Variants in QTMAN observed in about 807,000 individuals in gnomAD.
QTMAN encodes the protein tRNA-queuosine alpha-mannosyltransferase.
At chr2:143,956,302 T>A in the QTMAN span, among the ~76,000 whole-genome samples, 1 of 152,190 alleles carries the variant, frequency 6.6e-6, no homozygotes, top group Non-Finnish European at 1.5e-5. Flanking sequence ...TGAAATTTAT[T>A]TCTAAAGGGT....
the QTMAN span, among the ~76,000 whole-genome samples, chr2:144,125,362 T>G: frequency 6.6e-6 from 1 of 152,068 alleles, no homozygotes; most frequent in East Asian, 1.9e-4. Flanking sequence ...GAATCAGAGC[T>G]TCTCTTCTAA....
the QTMAN span, among the ~76,000 whole-genome samples, chr2:144,081,893 G>A: frequency 6.6e-6 from 1 of 151,858 alleles, no homozygotes; most frequent in South Asian, 2.1e-4. Flanking sequence ...ATTCAAAGAT[G>A]GATTTTTTTT....
chr2:144,129,197 A>G, the QTMAN span, among the ~76,000 whole-genome samples: 1 of 151,970 alleles, frequency 6.6e-6, no homozygotes, highest in Non-Finnish European at 1.5e-5. Flanking sequence ...AGGTGTCAGT[A>G]GTTAGTCAAT....
At chr2:144,194,475 T>A in the QTMAN span, among the ~76,000 whole-genome samples, 2 of 152,184 alleles carry the variant, frequency 1.3e-5, no homozygotes, top group African/African-American at 4.8e-5. Context: ...CATATGTTCC[T>A]AGGAATGCCC....
the QTMAN span, among the ~76,000 whole-genome samples, chr2:144,308,525 T>A: frequency 2.0e-5 from 3 of 152,030 alleles, no homozygotes; most frequent in Admixed American, 6.6e-5. Flanking sequence ...CAGGTGGATA[T>A]AGAAGAGAAC....
chr2:144,099,446 G>A, the QTMAN span, among the ~76,000 whole-genome samples: 1 of 152,162 alleles, frequency 6.6e-6, no homozygotes, highest in South Asian at 2.1e-4. Context: ...AAAAAGGAGA[G>A]TCATGTACTC....
At chr2:144,301,419 C>T in the QTMAN span, among the ~76,000 whole-genome samples, 595 of 152,246 alleles carry the variant, frequency 3.9e-3, 3 homozygotes, top group South Asian at 5.2e-3. Context: ...GACAGAGTTT[C>T]GCCTAGTTGG....
At chr2:144,004,275 C>T in the QTMAN span, among the ~76,000 whole-genome samples, 27 of 152,072 alleles carry the variant, frequency 1.8e-4, no homozygotes, top group Middle Eastern at 3.4e-3. Context: ...AAACACAACC[C>T]TGGTCATTTG....
the QTMAN span, among the ~76,000 whole-genome samples, chr2:144,121,718 T>A: frequency 6.6e-6 from 1 of 152,222 alleles, no homozygotes; most frequent in East Asian, 1.9e-4. Flanking sequence ...TATAAAATCC[T>A]GTAAGGAAAT....
At chr2:144,035,407 T>C in the QTMAN span, among the ~76,000 whole-genome samples, 100 of 152,296 alleles carry the variant, frequency 6.6e-4, no homozygotes, top group Admixed American at 1.6e-3. Context: ...GTTTTTAAGC[T>C]CAAGTATAAC....
the QTMAN span, among the ~76,000 whole-genome samples, chr2:144,076,640 T>C: frequency 6.6e-6 from 1 of 152,164 alleles, no homozygotes; most frequent in Non-Finnish European, 1.5e-5. Context: ...ACAATGCAAA[T>C]TTTTCACATT....
chr2:144,209,559 A>G, the QTMAN span, among the ~76,000 whole-genome samples: 57 of 152,346 alleles, frequency 3.7e-4, no homozygotes, highest in African/African-American at 1.3e-3. Flanking sequence ...CAAGCAACCT[A>G]TTAAGAGGGA....
the QTMAN span, among the ~76,000 whole-genome samples, chr2:144,097,058 T>C: frequency 6.6e-6 from 1 of 152,242 alleles, no homozygotes; most frequent in Admixed American, 6.5e-5. Context: ...AATTACCTTT[T>C]ACATGCTTTT....
chr2:144,043,552 G>A, the QTMAN span, among the ~76,000 whole-genome samples: 2 of 151,698 alleles, frequency 1.3e-5, no homozygotes, highest in African/African-American at 4.8e-5. Flanking sequence ...AGAATTCCTT[G>A]AACCCGGGAG....
the QTMAN span, among the ~76,000 whole-genome samples, chr2:143,978,438 T>C: frequency 1.3e-5 from 2 of 152,200 alleles, no homozygotes; most frequent in Non-Finnish European, 2.9e-5. Flanking sequence ...GCTAAAAGCT[T>C]AGACTCCCCA....
the QTMAN span, among the ~76,000 whole-genome samples, chr2:143,969,812 A>G: frequency 4.6e-5 from 7 of 152,206 alleles, no homozygotes; most frequent in African/African-American, 1.7e-4. Context: ...GCCATATGAG[A>G]CAAGGCTACT....
At chr2:144,270,614 T>C in the QTMAN span, among the ~76,000 whole-genome samples, 1 of 118,312 alleles carries the variant, frequency 8.5e-6, no homozygotes, top group Non-Finnish European at 1.6e-5. Flanking sequence ...TGAAAACACA[T>C]GGACACAGGA....
chr2:144,332,251 C>T, the QTMAN span, among the ~76,000 whole-genome samples: 3 of 151,454 alleles, frequency 2.0e-5, no homozygotes, highest in South Asian at 2.1e-4. Flanking sequence ...GGGAAGCGCG[C>T]GGCTCTCAGC....
the QTMAN span, among the ~76,000 whole-genome samples, chr2:144,060,213 C>T: frequency 6.6e-6 from 1 of 151,686 alleles, no homozygotes; most frequent in Non-Finnish European, 1.5e-5. Context: ...GTAGGTTAAC[C>T]TACATAATCT....
Sources: allele counts gnomAD v4.1 joint callset (sites outside exome capture counted in the v4.1 genomes callset), GRCh38; gene constraint gnomAD v4.1.1; transcripts MANE v1.5; gene names NCBI Gene and HGNC (gene_info 2026-07-23, HGNC 2026-07-21).